CACNA1H: variants seen among roughly 807,000 people sequenced by gnomAD.
CACNA1H encodes calcium voltage-gated channel subunit alpha1 H.
CACNA1H carries 149 observed loss-of-function variants against 192.5 expected under a neutral mutation model. The ratio of observed to expected loss-of-function variants is 0.77; its 90% CI spans 0.68 to 0.89. The LOEUF (loss-of-function observed/expected upper bound fraction) is 0.89. Ranked by LOEUF, CACNA1H falls within the 40% of genes least tolerant of loss-of-function variation. The probability of loss-of-function intolerance (pLI) is 0.00; values close to 1 mark genes in which losing one functional copy is unlikely to be tolerated. For missense variants in CACNA1H, 4,257 were observed against 3,423.5 expected (o/e 1.24, Z -6.08); for synonymous variants, 2,202 against 1,475.2 (o/e 1.49, Z -11.29).
chr16:1,216,455 C>T (rs1301255329), intron 30 of CACNA1H, among the ~76,000 whole-genome samples: 2 of 152,208 alleles, frequency 1.3e-5, no homozygotes, highest in East Asian at 1.9e-4. Context: ...CACAAGAGAG[C>T]CGTGGCAGGG....
In CACNA1H at chr16:1,195,073, A is replaced by G. The variant is rs1966857115; in HGVS notation, c.401A>G (p.Asn134Ser). The change falls in exon 3 of 35, where the codon AAC (asparagine) becomes AGC (serine). Residue 134 changes from asparagine (N) to serine (S), a missense_variant. Transcript: ENST00000348261. The stretch of plus-strand genomic sequence containing the variant: ...GTTGAGTGCGGCTCCGAGCGCTGCA[A>G]CATCCTGGAGGTGAGGGGCGTGGGT... ...EDVECGSERC[N>S]ILEAFDAFIF... The G allele has an allele frequency of 1.3e-6, 2 of 1,589,484 alleles. No homozygotes were observed. Among genetic ancestry groups the G allele is most frequent in the Non-Finnish European group, 1.7e-6 (2 of 1,164,412 alleles).
intron 9 of CACNA1H, among the ~76,000 whole-genome samples, chr16:1,203,782 C>T (rs185937820): frequency 1.2e-3 from 176 of 152,314 alleles, no homozygotes; most frequent in African/African-American, 3.9e-3. Context: ...ACAGTCGTGG[C>T]TCAGGGCCCT....
At position 1,207,634 on chromosome 16, in the gene CACNA1H, C is replaced by T. The variant is rs2745155; in HGVS notation, c.3064-136C>T. On this transcript the variant is annotated intron_variant, in intron 14 of 34. Transcript: ENST00000348261. ...GAGGCAGATTCCTCACCTACCTGCC[C>T]ACCCTGGCAGTGACATCATCCTCTG... 55,756 of 929,934 alleles carry T rather than the reference C, an allele frequency of 0.06. 2,774 individuals are homozygous for T. The highest frequency in any genetic ancestry group is 0.19 in the South Asian group (12,196 of 63,576). 57.6% of individuals were successfully genotyped at this position (929,934 alleles called of 1,614,324 possible). A position where few individuals can be genotyped will look rare whatever the true frequency, so the allele number is the denominator to read the frequency against.
intron 9 of CACNA1H, among the ~76,000 whole-genome samples, chr16:1,203,581 C>A (rs953040577): frequency 6.6e-6 from 1 of 152,092 alleles, no homozygotes; most frequent in Admixed American, 6.5e-5. Flanking sequence ...TTTAGAACAG[C>A]GGAAAATCAC....
At chr16:1,206,909 T>TCCCCCCCCCCCCC in intron 12 of CACNA1H, 92 bp from the exon 13 acceptor site, 2 of 116,612 alleles carry the variant, frequency 1.7e-5, no homozygotes, top group Non-Finnish European at 1.6e-5. Context: ...GTCCTGCCCC[T>TCCCCCCCCCCCCC]CCCTCCTCCC....
At chr16:1,164,446 C>T (rs1411389840) in intron 2 of CACNA1H, among the ~76,000 whole-genome samples, 2 of 152,224 alleles carry the variant, frequency 1.3e-5, no homozygotes, top group Non-Finnish European at 2.9e-5. Context: ...ACCCTCCTGC[C>T]TCAGCCTCCC....
In CACNA1H at chr16:1,210,621, G is replaced by C. The variant is rs372696265; in HGVS notation, c.4008G>C (p.Thr1336=). Reference sequence around the variant, plus strand: ...TCAGCGTCTCCAATTACATCTTCACGGCCATCTTCGTGGCGGAGATGATGG... The same window carrying C: ...TCAGCGTCTCCAATTACATCTTCACCGCCATCTTCGTGGCGGAGATGATGG... The part of the protein sequence containing the change: ...VFLSVSNYIF[T]AIFVAEMMVK... The change falls in exon 20 of 35, where the codon ACG becomes ACC. Residue 1336 remains threonine (T), a synonymous_variant. Coordinates refer to ENST00000348261, the MANE Select transcript of CACNA1H (RefSeq NM_021098.3). 1 of 1,606,716 alleles carries C rather than the reference G, an allele frequency of 6.2e-7. No homozygotes were observed. Among genetic ancestry groups the C allele is most frequent in the Non-Finnish European group, 8.5e-7 (1 of 1,179,784 alleles).
At position 1,201,744 on chromosome 16, in the gene CACNA1H, C is replaced by G. The variant is rs1347409003; in HGVS notation, c.1294C>G (p.Leu432Val). The G allele has an allele frequency of 3.7e-6, 6 of 1,610,016 alleles. No individual in the cohort carries two copies. Among genetic ancestry groups the G allele is most frequent in the Non-Finnish European group, 4.2e-6 (5 of 1,178,912 alleles). The stretch of plus-strand genomic sequence containing the variant: ...GGAGACGAAGCAGCGGGAGAGTCAG[C>G]TGATGCGGGAGCAGCGGGCACGCCA... Reference protein sequence around the residue: ...FSETKQRESQLMREQRARHLS... With the variant: ...FSETKQRESQVMREQRARHLS... The change falls in exon 9 of 35, where the codon CTG (leucine) becomes GTG (valine). Residue 432 changes from leucine to valine, a missense_variant. Physicochemically the swap from Leu to Val is conservative, Grantham distance 32. Coordinates refer to ENST00000348261, the MANE Select transcript of CACNA1H (RefSeq NM_021098.3).
At chr16:1,212,644 T>G in intron 26 of CACNA1H, 116 bp downstream of exon 26, 1 of 1,287,280 alleles carries the variant, frequency 7.8e-7, no homozygotes, top group Non-Finnish European at 1.1e-6. Context: ...CAGCCGGAGG[T>G]GCTGGGCGTG....
intron 31 of CACNA1H, among the ~76,000 whole-genome samples, chr16:1,217,478 C>T (rs1307117887): frequency 2.0e-5 from 3 of 151,868 alleles, no homozygotes; most frequent in Admixed American, 6.5e-5. Context: ...CTTAGACGGC[C>T]CAGCCCTGCC....
intron 10 of CACNA1H, among the ~76,000 whole-genome samples, chr16:1,204,708 C>T (rs535780200): frequency 3.2e-4 from 49 of 151,854 alleles, no homozygotes; most frequent in African/African-American, 9.4e-4. Flanking sequence ...CTGCTGCAGC[C>T]CTCTTGACCC....
chr16:1,218,270 T>C lies in CACNA1H; in HGVS notation c.5506T>C (p.Ser1836Pro), dbSNP rs868493647. The C allele has an allele frequency of 6.4e-7, 1 of 1,551,802 alleles. No homozygotes were observed. The highest frequency in any genetic ancestry group is 1.4e-5 in the African/African-American group (1 of 73,200). ...CTGCCTGAGCTACCTGCCGGCCCTG[T>C]CGCCCGTCTACTTCGTGACCTTCGT... ...KHCLSYLPAL[S>P]PVYFVTFVLV... The change falls in exon 33 of 35, where the codon TCG becomes CCG. Residue 1836 changes from serine to proline, a missense_variant. Ser to Pro is a moderately conservative substitution (Grantham distance 74). Transcript: ENST00000348261.
intron 2 of CACNA1H, among the ~76,000 whole-genome samples, chr16:1,190,601 C>T (rs111277979): frequency 0.024 from 3,712 of 152,350 alleles, 149 homozygotes; most frequent in African/African-American, 0.083. Flanking sequence ...TTGGGAGGCG[C>T]GCAATACGCC....
intron 2 of CACNA1H, among the ~76,000 whole-genome samples, chr16:1,192,339 C>G (rs1966697013): frequency 7.1e-6 from 1 of 141,216 alleles, no homozygotes; most frequent in African/African-American, 2.5e-5. Context: ...TGGGTGCCAC[C>G]CACCCCTGCC....
Position 1,216,961 on chromosome 16 carries a change from C to T in CACNA1H, c.5274C>T (p.Leu1758=), listed in dbSNP as rs1342829164. 1 of 1,605,404 alleles carries T rather than the reference C, an allele frequency of 6.2e-7. No homozygotes were observed. Among genetic ancestry groups the T allele is most frequent in the Non-Finnish European group, 8.5e-7 (1 of 1,176,204 alleles). The change falls in exon 31 of 35, where the codon CTC becomes CTT. Residue 1758 remains leucine, a synonymous_variant. Coordinates refer to ENST00000348261, the MANE Select transcript of CACNA1H (RefSeq NM_021098.3). ...QVGNLGLLFM[L]LFFIYAALGV... ...GGAACCTGGGCCTTCTTTTCATGCT[C>T]CTGTTTTTTATCTATGCTGCGCTGG...
rs906814116 is a variant in CACNA1H, at chr16:1,220,465, C to T, written c.6533C>T (p.Ala2178Val). 3 of 1,545,828 alleles carry T rather than the reference C, an allele frequency of 1.9e-6. No homozygotes were observed. Among genetic ancestry groups the T allele is most frequent in the Admixed American group, 2.2e-5 (1 of 45,916 alleles). ...AKAWGPEAEP[A>V]LGARRKKKMS... ...GCCTGGGGCCCTGAGGCCGAGCCCG[C>T]TCTGGGTGCGCGCAGAAAGAAGAAG... The change falls in exon 35 of 35, where the codon GCT becomes GTT. Residue 2178 changes from alanine (A) to valine (V), a missense_variant. Coordinates refer to ENST00000348261, the MANE Select transcript of CACNA1H (RefSeq NM_021098.3).
intron 2 of CACNA1H, among the ~76,000 whole-genome samples, chr16:1,194,066 G>C (rs1018806035): frequency 1.3e-5 from 2 of 152,012 alleles, no homozygotes; most frequent in Admixed American, 1.3e-4. Flanking sequence ...CAGGGGTGAG[G>C]GGGAGCCGTG....
At chr16:1,207,571 G>A (rs1052385652) in intron 14 of CACNA1H, 141 bp downstream of exon 14, 2 of 1,085,104 alleles carry the variant, frequency 1.8e-6, no homozygotes, top group Non-Finnish European at 2.7e-6. Context: ...GAGAGGGGAG[G>A]CCAGGAGCCC....
rs1968661807 is a variant in CACNA1H, at chr16:1,206,018, C to T, written c.2604-86C>T. 5 of 1,343,170 alleles carry T rather than the reference C, an allele frequency of 3.7e-6. No homozygotes were observed. The South Asian group carries it at 4.1e-5, about 11-fold the overall frequency. 83.2% of individuals were successfully genotyped at this position (1,343,170 alleles called of 1,614,324 possible). On this transcript the variant is annotated intron_variant, in intron 11 of 34. Coordinates refer to ENST00000348261, the MANE Select transcript of CACNA1H (RefSeq NM_021098.3). ...ATGCAGCACAGGCCGCTGTGGCTCC[C>T]TGGCTGGTGACCCTGCTTCCAGTGG...
Sources: gnomAD v4.1 joint callset for allele counts (sites outside exome capture counted in the v4.1 genomes callset) on GRCh38, gnomAD v4.1.1 for gene constraint, MANE v1.5 for transcripts, NCBI Gene and HGNC (gene_info 2026-07-23, HGNC 2026-07-21) for gene names.